RNF4: variants seen among roughly 807,000 people sequenced by gnomAD.
The protein encoded by RNF4 is E3 ubiquitin-protein ligase RNF4.
In RNF4, 7 loss-of-function variants were observed where a neutral mutation model predicts 24.3. The observed-to-expected ratio is 0.29, with a 90% CI of 0.16 to 0.54. The LOEUF is 0.54. RNF4 is among the 20% of genes least tolerant of loss of function. RNF4 has a pLI of 0.95. For missense variants in RNF4, 209 were observed against 248.5 expected, an observed-to-expected ratio of 0.84 and a Z score of 1.07; for synonymous variants, 83 against 84.3, an observed-to-expected ratio of 0.98 and a Z score of 0.09.
rs1453502720 is a variant in RNF4, at chr4:2,497,052, C to T, written c.55C>T (p.Arg19Ter). 1 of 1,608,770 alleles carries T rather than the reference C, an allele frequency of 6.2e-7. No homozygotes were observed. Among genetic ancestry groups the T allele is most frequent in the Non-Finnish European group, 8.5e-7 (1 of 1,177,710 alleles). The change falls in exon 3 of 8, where the codon CGA becomes TGA. Residue 19 changes from arginine (R) to a stop codon, truncating the protein, a stop_gained. Transcript: ENST00000314289. LOFTEE classifies it high-confidence loss of function. Reference protein sequence around the residue: ...GAINSRQAQKRTREATSTPEI... With the variant: ...GAINSRQAQK ...AATAAATTCTAGACAAGCTCAGAAG[C>T]GAACTCGGGAAGCAACCTCCACCCC...
chr4:2,510,682 C>T (rs573176239), intron 4 of RNF4, among the ~76,000 whole-genome samples: 44 of 152,302 alleles, frequency 2.9e-4, no homozygotes, highest in African/African-American at 9.6e-4. Context: ...GGATGTCCTG[C>T]CCAGGGGACA....
intron 4 of RNF4, among the ~76,000 whole-genome samples, chr4:2,511,245 T>A (rs1560414885): frequency 6.6e-6 from 1 of 150,700 alleles, no homozygotes. Context: ...AGTCAGCACA[T>A]GGTGTGGCTG....
intron 2 of RNF4, 99 bp from the exon 3 acceptor site, chr4:2,496,908 T>G: frequency 1.2e-6 from 1 of 804,550 alleles, no homozygotes; most frequent in South Asian, 1.8e-5. Context: ...ACTCGCTGGC[T>G]TCTTAATGAA....
chr4:2,470,304 A>G (rs1734863806), intron 1 of RNF4, among the ~76,000 whole-genome samples: 1 of 152,208 alleles, frequency 6.6e-6, no homozygotes, highest in African/African-American at 2.4e-5. Context: ...TTCATTGACC[A>G]GGAGTTTTGG....
At chr4:2,472,832 A>G (rs1157566472) in intron 1 of RNF4, among the ~76,000 whole-genome samples, 1 of 151,818 alleles carries the variant, frequency 6.6e-6, no homozygotes, top group African/African-American at 2.4e-5. Flanking sequence ...CAAGGTCAGG[A>G]GATCGAGACC....
chr4:2,494,971 TA>T (rs764927977), intron 2 of RNF4, among the ~76,000 whole-genome samples: 1 of 152,214 alleles, frequency 6.6e-6, no homozygotes, highest in Non-Finnish European at 1.5e-5. Context: ...TATTTCTAAT[TA>T]GATGGGGAGG....
intron 3 of RNF4, among the ~76,000 whole-genome samples, chr4:2,497,855 C>T (rs1387934378): frequency 1.3e-5 from 2 of 152,054 alleles, no homozygotes; most frequent in East Asian, 3.9e-4. Flanking sequence ...AGGATGGTCT[C>T]GATCTCCTGA....
chr4:2,485,780 G>T (rs115981510), intron 1 of RNF4, among the ~76,000 whole-genome samples: 1 of 152,108 alleles, frequency 6.6e-6, no homozygotes, highest in East Asian at 1.9e-4. Flanking sequence ...TTTGTGTAAG[G>T]TCTTAGCTAG....
chr4:2,476,304 C>T (rs751896930), intron 1 of RNF4, among the ~76,000 whole-genome samples: 26 of 152,166 alleles, frequency 1.7e-4, no homozygotes, highest in Non-Finnish European at 3.2e-4. Context: ...TGTTGGTTCT[C>T]GCCTCCTACT....
At chr4:2,504,524 TTTTA>T (rs148529651) in intron 4 of RNF4, among the ~76,000 whole-genome samples, 34,907 of 140,584 alleles carry the variant, frequency 0.25, 4,481 homozygotes, top group East Asian at 0.4. Flanking sequence ...GTTTTATAGC[TTTTA>T]TTTATTTATT....
chr4:2,479,170 T>C (rs1158528603), intron 1 of RNF4, among the ~76,000 whole-genome samples: 2 of 152,236 alleles, frequency 1.3e-5, no homozygotes, highest in African/African-American at 4.8e-5. Flanking sequence ...CCATTTGGAA[T>C]GGCTGTATTT....
intron 1 of RNF4, chr4:2,479,763 G>A (rs11248108): frequency 0.16 from 24,181 of 152,106 alleles, 2,063 homozygotes; most frequent in East Asian, 0.25. Flanking sequence ...ACTGTCCCCC[G>A]TCCTGCTTTT....
At position 2,502,562 on chromosome 4, in the gene RNF4, T is replaced by C. The variant is rs187067384; in HGVS notation, c.204+1824T>C. ...ATGCGGACGCCTGTAGTCCCAGCTA[T>C]TCAGGAGGCTAAGGCAGGAGAATCG... is the stretch of plus-strand genomic sequence containing the variant. On this transcript the variant is annotated intron_variant, in intron 4 of 7. Transcript: ENST00000314289. Among the ~76,000 whole-genome samples the C allele has an allele frequency of 8.8e-3, 1,336 of 151,864 alleles. 23 individuals carry two copies. The highest frequency in any genetic ancestry group is 0.03 in the African/African-American group (1,228 of 41,422).
At chr4:2,472,579 A>AC (rs1220905623) in intron 1 of RNF4, among the ~76,000 whole-genome samples, 1 of 129,668 alleles carries the variant, frequency 7.7e-6, no homozygotes, top group Non-Finnish European at 1.6e-5. Context: ...TAGTGAGACC[A>AC]CCCCCTCCAC....
intron 7 of RNF4, 92 bp from the exon 8 acceptor site, chr4:2,513,574 TAGTC>T: frequency 1.4e-6 from 2 of 1,448,554 alleles, no homozygotes; most frequent in African/African-American, 2.8e-5. Context: ...TTCCTTTAAT[TAGTC>T]ATCTTAGGCA....
At chr4:2,495,640 G>T (rs546941203) in intron 2 of RNF4, among the ~76,000 whole-genome samples, 645 of 26,038 alleles carry the variant, frequency 0.025, 2 homozygotes, top group African/African-American at 0.065. Flanking sequence ...TTTTTTTTTT[G>T]GGGGGGGGTG....
At chr4:2,500,230 TC>T (rs1468283527) in intron 3 of RNF4, among the ~76,000 whole-genome samples, 1 of 151,428 alleles carries the variant, frequency 6.6e-6, no homozygotes, top group Non-Finnish European at 1.5e-5. Context: ...TGACTTTTGG[TC>T]CTTGGGCCAA....
At position 2,514,866 on chromosome 4, in the gene RNF4, A is replaced by C. The variant is rs955734003; in HGVS notation, c.*1047A>C. ...TTGGCTTTCTCATCCTTCCCAACCC[A>C]GTGCCGTTTATTTCAGAAGCTTCCT... On this transcript the variant is annotated 3_prime_UTR_variant, in exon 8 of 8. Transcript: ENST00000314289. 1.0e-4 allele frequency: 16 copies of C among 152,562 alleles called. No individual in the cohort carries two copies. The highest frequency in any genetic ancestry group is 3.6e-4 in the African/African-American group (15 of 41,440). The allele number at this position is 152,562 out of a possible 1,614,324, so 9.5% of individuals were successfully genotyped here.
chr4:2,513,084 C>T lies in RNF4; in HGVS notation c.376C>T (p.Pro126Ser). ...TAACGTGAAGCACTGTGCTCTTAGG[C>T]CCTCAGGTACTGTCAGTTGTCCCAT... ...ARDEGATGLR[P>S]SGTVSCPICM... is the part of the protein sequence containing the mutation. The change falls in exon 7 of 8, where the codon CCC becomes TCC. Residue 126 changes from proline to serine, a missense_variant and splice_region_variant. Transcript: ENST00000314289. 1.2e-6 allele frequency: 2 copies of T among 1,613,664 alleles called. No homozygotes were observed. The highest frequency in any genetic ancestry group is 1.7e-6 in the Non-Finnish European group (2 of 1,179,630).
Sources: gnomAD v4.1 joint callset for allele counts (sites outside exome capture counted in the v4.1 genomes callset) on GRCh38, gnomAD v4.1.1 for gene constraint, MANE v1.5 for transcripts, NCBI Gene and HGNC (gene_info 2026-07-23, HGNC 2026-07-21) for gene names.